Variants in SETD2 observed in about 807,000 individuals in gnomAD.
SETD2 encodes the protein histone-lysine N-methyltransferase SETD2.
SETD2 carries 31 observed loss-of-function variants against 242.1 expected under a neutral mutation model. The ratio of observed to expected loss-of-function variants is 0.13; its 90% CI spans 0.10 to 0.17. The LOEUF is 0.17. SETD2 is among the 10% of genes least tolerant of loss of function. SETD2 has a pLI of 1.00. For missense variants in SETD2, 2,481 were observed against 3,046.3 expected, an observed-to-expected ratio of 0.81 and a Z score of 4.37; for synonymous variants, 1,006 against 1,066.5, an observed-to-expected ratio of 0.94 and a Z score of 1.11.
At chr3:47,034,265 C>T (rs1045034856) in intron 18 of SETD2, among the ~76,000 whole-genome samples, 3 of 152,170 alleles carry the variant, frequency 2.0e-5, no homozygotes, top group African/African-American at 4.8e-5. Flanking sequence ...GGAACTACTA[C>T]TCTATAACCC....
In SETD2 at chr3:47,025,288, A is replaced by G. The variant is rs143108567; in HGVS notation, c.7351-5448T>C. On this transcript the variant is annotated intron_variant, in intron 18 of 20. Coordinates refer to ENST00000409792, the MANE Select transcript of SETD2 (RefSeq NM_014159.7). Reference sequence around the variant, plus strand: ...TACTCACTTGTTTGCTAAACCCTCAATCCTGCTTTTCAGTCTTGGCAAGAT... The same window carrying G: ...TACTCACTTGTTTGCTAAACCCTCAGTCCTGCTTTTCAGTCTTGGCAAGAT... Among the ~76,000 whole-genome samples the G allele has an allele frequency of 6.7e-3, 1,023 of 152,282 alleles. 9 individuals are homozygous for G. Among genetic ancestry groups the G allele is most frequent in the Non-Finnish European group, 0.011 (718 of 68,016 alleles).
intron 10 of SETD2, 95 bp downstream of exon 10, chr3:47,088,018 C>A (rs2041639219): frequency 1.6e-6 from 2 of 1,216,932 alleles, no homozygotes; most frequent in South Asian, 1.6e-5. Flanking sequence ...TAAAATAAGA[C>A]TAACTCTTAT....
chr3:47,103,876 T>C (rs1280585187), intron 6 of SETD2, among the ~76,000 whole-genome samples: 5 of 152,238 alleles, frequency 3.3e-5, no homozygotes, highest in African/African-American at 9.6e-5. Flanking sequence ...CTTTTGCCCA[T>C]AGGCAAAATT....
intron 9 of SETD2, among the ~76,000 whole-genome samples, chr3:47,089,894 C>A (rs2041723261): frequency 6.6e-6 from 1 of 152,026 alleles, no homozygotes; most frequent in South Asian, 2.1e-4. Context: ...CATGACAGTG[C>A]TTAGGTCAAC....
At chr3:47,158,850 A>G (rs1365235437) in intron 1 of SETD2, among the ~76,000 whole-genome samples, 1 of 152,224 alleles carries the variant, frequency 6.6e-6, no homozygotes, top group East Asian at 1.9e-4. Flanking sequence ...TTTGTTATTT[A>G]TATTAGTAAT....
intron 6 of SETD2, 56 bp downstream of exon 6, chr3:47,105,941 T>C (rs2042401085): frequency 7.1e-7 from 1 of 1,410,960 alleles, no homozygotes; most frequent in African/African-American, 1.5e-5. Context: ...TCAGTATCAA[T>C]GGCTCCTTCA....
intron 18 of SETD2, among the ~76,000 whole-genome samples, chr3:47,021,661 G>A (rs2107498494): frequency 6.6e-6 from 1 of 152,318 alleles, no homozygotes; most frequent in African/African-American, 2.4e-5. Flanking sequence ...ACTCTTGAGA[G>A]TACTGAAATT....
At chr3:47,035,257 T>C (rs2038947166) in intron 18 of SETD2, among the ~76,000 whole-genome samples, 1 of 152,222 alleles carries the variant, frequency 6.6e-6, no homozygotes, top group Admixed American at 6.5e-5. Context: ...CCTGGTGCTC[T>C]TGGGTGCTGA....
At chr3:47,088,979 T>C (rs1425752366) in intron 9 of SETD2, among the ~76,000 whole-genome samples, 2 of 152,120 alleles carry the variant, frequency 1.3e-5, no homozygotes, top group African/African-American at 4.8e-5. Context: ...CAATGAAATA[T>C]AATACTACAG....
chr3:47,038,205 C>T (rs1177192353), intron 17 of SETD2, among the ~76,000 whole-genome samples: 2 of 152,208 alleles, frequency 1.3e-5, no homozygotes, highest in African/African-American at 4.8e-5. Flanking sequence ...TCATGTAACA[C>T]CTCTCACAGT....
chr3:47,118,293 G>A (rs960715658), intron 3 of SETD2, among the ~76,000 whole-genome samples: 2 of 152,176 alleles, frequency 1.3e-5, no homozygotes, highest in African/African-American at 4.8e-5. Context: ...GGACGAATGG[G>A]CATAGATTTT....
intron 1 of SETD2, among the ~76,000 whole-genome samples, chr3:47,135,766 C>T (rs1575833794): frequency 6.6e-6 from 1 of 152,206 alleles, no homozygotes; most frequent in African/African-American, 2.4e-5. Flanking sequence ...TCTCAATTGA[C>T]GATCCCACCA....
intron 1 of SETD2, among the ~76,000 whole-genome samples, chr3:47,128,180 T>C (rs2106748677): frequency 6.6e-6 from 1 of 152,330 alleles, no homozygotes. Context: ...TGCTTCTCAA[T>C]CGTTTTTGGT....
chr3:47,141,957 T>C (rs1164183385), intron 1 of SETD2, among the ~76,000 whole-genome samples: 1 of 151,954 alleles, frequency 6.6e-6, no homozygotes, highest in Non-Finnish European at 1.5e-5. Flanking sequence ...AAGCTATCCA[T>C]ACCTTAAAAA....
At chr3:47,047,564 A>G (rs931960919) in intron 15 of SETD2, among the ~76,000 whole-genome samples, 1 of 152,238 alleles carries the variant, frequency 6.6e-6, no homozygotes, top group Non-Finnish European at 1.5e-5. Flanking sequence ...AATACAAAAT[A>G]TAATTCCAAA....
At chr3:47,037,124 AT>A (rs1157247658) in intron 18 of SETD2, among the ~76,000 whole-genome samples, 3 of 61,258 alleles carry the variant, frequency 4.9e-5, no homozygotes, top group Admixed American at 2.1e-4. Context: ...TATTTTTTAT[AT>A]TTTTTTATTT....
intron 1 of SETD2, among the ~76,000 whole-genome samples, chr3:47,136,903 G>A (rs1575834807): frequency 1.3e-5 from 2 of 152,162 alleles, no homozygotes; most frequent in South Asian, 2.1e-4. Flanking sequence ...GCAGTGTGCC[G>A]AGATGACGCC....
At chr3:47,137,062 C>G (rs2043604703) in intron 1 of SETD2, among the ~76,000 whole-genome samples, 1 of 152,208 alleles carries the variant, frequency 6.6e-6, no homozygotes, top group African/African-American at 2.4e-5. Context: ...CAAACATGCA[C>G]ATGTACCCTT....
intron 15 of SETD2, among the ~76,000 whole-genome samples, chr3:47,048,370 C>G (rs928514486): frequency 1.3e-5 from 2 of 152,062 alleles, no homozygotes; most frequent in African/African-American, 4.8e-5. Context: ...GCCTGGGCAA[C>G]AGAGCGAGAT....
Sources: gnomAD v4.1 joint callset for allele counts (sites outside exome capture counted in the v4.1 genomes callset) on GRCh38, gnomAD v4.1.1 for gene constraint, MANE v1.5 for transcripts, NCBI Gene and HGNC (gene_info 2026-07-23, HGNC 2026-07-21) for gene names.